The following SEMA3A variants were observed in gnomAD, a reference collection of about 807,000 sequenced individuals.
SEMA3A encodes semaphorin-3A.
A neutral mutation model predicts 97.9 loss-of-function variants in SEMA3A; 29 were observed. That is an observed-to-expected ratio of 0.30 (90% CI 0.22 to 0.40). SEMA3A has a LOEUF of 0.40. SEMA3A is among the 10% of genes least tolerant of loss of function. The pLI is 1.00. For missense variants in SEMA3A, 763 were observed against 951.3 expected (o/e 0.80, Z 2.60); for synonymous variants, 321 against 323.7 (o/e 0.99, Z 0.09).
chr7:84,136,601 G>T (rs571880023), intron 1 of SEMA3A, among the ~76,000 whole-genome samples: 2 of 152,168 alleles, frequency 1.3e-5, no homozygotes, highest in East Asian at 3.9e-4. Context: ...AGAGCTTCCT[G>T]TTACATTTTG....
intron 4 of SEMA3A, among the ~76,000 whole-genome samples, chr7:84,101,474 G>A (rs77405631): frequency 1.3e-5 from 2 of 152,150 alleles, no homozygotes; most frequent in Admixed American, 6.5e-5. Flanking sequence ...AAAATTTACC[G>A]TTATGTTAAA....
chr7:84,466,195 C>T (rs766086564), intron 1 of SEMA3A, among the ~76,000 whole-genome samples: 70 of 151,916 alleles, frequency 4.6e-4, no homozygotes, highest in African/African-American at 1.3e-3. Context: ...GCTTTTGAGA[C>T]GGAGTTTTGC....
At chr7:84,412,819 C>G (rs558307738) in intron 1 of SEMA3A, among the ~76,000 whole-genome samples, 1 of 152,124 alleles carries the variant, frequency 6.6e-6, no homozygotes, top group Non-Finnish European at 1.5e-5. Context: ...TGCAACGACA[C>G]TTCTCCCAGC....
At chr7:84,445,222 T>G (rs1805378687) in intron 1 of SEMA3A, among the ~76,000 whole-genome samples, 1 of 151,680 alleles carries the variant, frequency 6.6e-6, no homozygotes, top group Non-Finnish European at 1.5e-5. Flanking sequence ...CCGGGTGTGG[T>G]GGCTCACTCC....
intron 3 of SEMA3A, among the ~76,000 whole-genome samples, chr7:84,264,173 T>C (rs1799932641): frequency 6.6e-6 from 1 of 152,196 alleles, no homozygotes; most frequent in African/African-American, 2.4e-5. Context: ...TAAGTCTGTC[T>C]TCCTTCTAAT....
At chr7:83,974,588 GA>G (rs1377232213) in intron 15 of SEMA3A, among the ~76,000 whole-genome samples, 2 of 152,078 alleles carry the variant, frequency 1.3e-5, no homozygotes, top group African/African-American at 4.8e-5. Flanking sequence ...CAACATACAT[GA>G]TTTAGTAAGG....
At chr7:84,023,732 C>T (rs896399231) in intron 6 of SEMA3A, among the ~76,000 whole-genome samples, 2 of 152,110 alleles carry the variant, frequency 1.3e-5, no homozygotes, top group Admixed American at 1.3e-4. Context: ...TAGATAGTGC[C>T]GGGCGCTATG....
rs189172500 is a variant in SEMA3A, at chr7:84,361,832, A to G, written c.-169+9992T>C. Among the ~76,000 whole-genome samples the G allele has an allele frequency of 2.1e-3, 320 of 152,084 alleles. 7 individuals are homozygous for G. Among genetic ancestry groups the G allele is most frequent in the Non-Finnish European group, 4.4e-4 (30 of 67,954 alleles). On this transcript the variant is annotated intron_variant, in intron 2 of 3. Transcript: ENST00000424555. ...TTAACTGAAGGACTCTGCAGAGGAG[A>G]CGGTGTCCTTCATTTTCATTACTTC... is the stretch of plus-strand genomic sequence containing the variant.
intron 2 of SEMA3A, among the ~76,000 whole-genome samples, chr7:84,365,873 G>A (rs1393524340): frequency 1.3e-5 from 2 of 150,962 alleles, no homozygotes; most frequent in East Asian, 1.9e-4. Context: ...AATAACATGA[G>A]TTTAACTAAT....
intron 3 of SEMA3A, among the ~76,000 whole-genome samples, chr7:84,237,914 T>C (rs565469910): frequency 6.6e-6 from 1 of 152,236 alleles, no homozygotes; most frequent in South Asian, 2.1e-4. Context: ...ACTGAAGTCC[T>C]AACAGAAAAC....
chr7:84,282,434 AT>A lies in SEMA3A; in HGVS notation c.-83+24772del, dbSNP rs1373272677. ...TAATATGTATTCTAAGCATCCTCAT[AT>A]TTTTTAGCAACATCATAATTTATTA... On this transcript the variant is annotated intron_variant, in intron 3 of 3. Transcript: ENST00000424555. Among the ~76,000 whole-genome samples, 5 of 152,152 alleles carry A rather than the reference AT, an allele frequency of 3.3e-5. No homozygotes were observed. The East Asian group carries it at 7.8e-4, about 24-fold the overall frequency.
rs554618337 is a variant in SEMA3A at position 84,069,755 on chromosome 7, A to T, written c.454-9197T>A. On this transcript the variant is annotated intron_variant, in intron 4 of 16. Transcript: ENST00000265362. ...ATTACATAGAATGCGTGTGAAAATCATCAAATAAAACAGCGTCCTCTTTAA... is the reference window on the plus strand; with the variant it reads ...ATTACATAGAATGCGTGTGAAAATCTTCAAATAAAACAGCGTCCTCTTTAA... Among the ~76,000 whole-genome samples the T allele has an allele frequency of 6.6e-5, 10 of 152,268 alleles. No homozygotes were observed. The South Asian group carries it at 2.1e-3, about 32-fold the overall frequency.
chr7:84,287,521 C>A lies in SEMA3A; in HGVS notation c.-83+19686G>T, dbSNP rs141932374. On this transcript the variant is annotated intron_variant, in intron 3 of 3. Coordinates refer to the SEMA3A transcript ENST00000424555. Reference sequence around the variant, plus strand: ...CTCAGTCACCAGTCTAACAGATGATCTTACTTCTCAAATAATACAAATTTT... The same window carrying A: ...CTCAGTCACCAGTCTAACAGATGATATTACTTCTCAAATAATACAAATTTT... 7.8e-4 allele frequency among the ~76,000 whole-genome samples: 118 copies of A among 152,254 alleles called. 1 individual carries two copies. The highest frequency in any genetic ancestry group is 2.6e-3 in the African/African-American group (110 of 41,550).
intron 3 of SEMA3A, among the ~76,000 whole-genome samples, chr7:84,209,029 T>A (rs374357000): frequency 3.9e-5 from 6 of 152,212 alleles, no homozygotes; most frequent in South Asian, 4.1e-4. Context: ...ATTTTAAATA[T>A]TTGTGACAAA....
chr7:84,400,075 G>A (rs1402644603), intron 1 of SEMA3A, among the ~76,000 whole-genome samples: 1 of 152,172 alleles, frequency 6.6e-6, no homozygotes. Flanking sequence ...TGGGCTTAGT[G>A]TGCCATGTAG....
chr7:84,048,518 G>A (rs1562995488), intron 5 of SEMA3A, among the ~76,000 whole-genome samples: 20 of 151,698 alleles, frequency 1.3e-4, no homozygotes. Flanking sequence ...GAATAAGAGG[G>A]TCTCAGTTAA....
intron 2 of SEMA3A, among the ~76,000 whole-genome samples, chr7:84,352,511 C>T (rs531837701): frequency 6.6e-6 from 1 of 151,626 alleles, no homozygotes; most frequent in African/African-American, 2.4e-5. Context: ...AGTATATGCA[C>T]CTACTATGTA....
intron 1 of SEMA3A, among the ~76,000 whole-genome samples, chr7:84,489,780 T>C (rs938679708): frequency 6.6e-5 from 10 of 152,134 alleles, no homozygotes; most frequent in African/African-American, 7.2e-5. Context: ...TGATGTCTAA[T>C]ATAATTCCTT....
At chr7:83,974,634 A>T (rs10262098) in intron 15 of SEMA3A, among the ~76,000 whole-genome samples, 60,049 of 151,982 alleles carry the variant, frequency 0.4, 12,403 homozygotes, top group Middle Eastern at 0.49. Context: ...TTACTTTCAA[A>T]TACTGACGTC....
Sources: allele counts gnomAD v4.1 joint callset (sites outside exome capture counted in the v4.1 genomes callset), GRCh38; gene constraint gnomAD v4.1.1; transcripts MANE v1.5; gene names NCBI Gene and HGNC (gene_info 2026-07-23, HGNC 2026-07-21).